The following GSR variants were observed in gnomAD, a reference collection of about 807,000 sequenced individuals.
The protein encoded by GSR is glutathione reductase, mitochondrial.
GSR carries 48 observed loss-of-function variants against 56.5 expected under a neutral mutation model. That is an observed-to-expected ratio of 0.85 (90% CI 0.67 to 1.08). GSR has a LOEUF of 1.08. Among genes scored for constraint, GSR ranks in the 50% least tolerant of loss-of-function variants. GSR has a pLI of 0.00. For missense variants in GSR, 694 were observed against 703.3 expected (o/e 0.99, Z 0.15); for synonymous variants, 264 against 270.8 (o/e 0.97, Z 0.25).
In GSR at chr8:30,684,117, T is replaced by C. The variant is rs1803072710; in HGVS notation, c.1124A>G (p.Asp375Gly). 1 of 1,597,700 alleles carries C rather than the reference T, an allele frequency of 6.3e-7. No homozygotes were observed. Among genetic ancestry groups the C allele is most frequent in the Non-Finnish European group, 8.6e-7 (1 of 1,165,044 alleles). Residue 375 changes from aspartate (D) to glycine (G), a missense_variant, in exon 10 of 13, where the codon GAT becomes GGT. Transcript: ENST00000221130. The part of the protein sequence containing the change: ...TNVKGIYAVG[D>G]VCGKALLTPV... ...AGTAAGAAGAGCTTTTCCACATACA[T>C]CCCCAACTGCATAGATGCCTTTGAC...
intron 8 of GSR, among the ~76,000 whole-genome samples, chr8:30,691,193 T>A (rs897000223): frequency 6.6e-6 from 1 of 151,524 alleles, no homozygotes; most frequent in Non-Finnish European, 1.5e-5. Context: ...GTGAAACCCA[T>A]CTGTACTAAA....
intron 7 of GSR, among the ~76,000 whole-genome samples, chr8:30,694,802 G>A (rs1803492120): frequency 6.6e-6 from 1 of 151,420 alleles, no homozygotes; most frequent in South Asian, 2.1e-4. Context: ...GGGAGGCTGG[G>A]GTGGGAAGAT....
intron 7 of GSR, among the ~76,000 whole-genome samples, chr8:30,693,884 G>T (rs1323505679): frequency 1.3e-5 from 2 of 152,172 alleles, no homozygotes; most frequent in African/African-American, 4.8e-5. Flanking sequence ...AATGAACTTG[G>T]TGCATTTGGG....
chr8:30,709,854 C>T lies in GSR; in HGVS notation c.382G>A (p.Asp128Asn), dbSNP rs1284022747. Residue 128 changes from aspartate (D) to asparagine (N), a missense_variant, in exon 3 of 13, where the codon GAT becomes AAT. Coordinates refer to ENST00000221130, the MANE Select transcript of GSR (RefSeq NM_000637.5). ...CCCTCACAACTTGGAAAGCCATAATCAGCATGATCATGCATGAATTCAGAG... is the reference window on the plus strand; with the variant it reads ...CCCTCACAACTTGGAAAGCCATAATTAGCATGATCATGCATGAATTCAGAG... ...VHSEFMHDHA[D>N]YGFPSCEGKF... The T allele has an allele frequency of 1.3e-6, 2 of 1,563,600 alleles. No individual in the cohort carries two copies. Among genetic ancestry groups the T allele is most frequent in the Non-Finnish European group, 1.7e-6 (2 of 1,143,744 alleles).
At chr8:30,686,287 G>GT (rs1214525621) in intron 9 of GSR, among the ~76,000 whole-genome samples, 2 of 151,730 alleles carry the variant, frequency 1.3e-5, no homozygotes, top group Non-Finnish European at 1.5e-5. Context: ...TTAGTAACAT[G>GT]TTGACAAGAC....
intron 10 of GSR, among the ~76,000 whole-genome samples, chr8:30,683,711 G>A (rs1304580227): frequency 2.7e-5 from 4 of 150,118 alleles, no homozygotes; most frequent in African/African-American, 9.8e-5. Context: ...CAGTGAGCCC[G>A]TGATCATGCC....
chr8:30,709,764 A>G (rs767170348), intron 3 of GSR, 50 bp downstream of exon 3: 1 of 1,050,410 alleles, frequency 9.5e-7, no homozygotes, highest in Non-Finnish European at 1.5e-6. Flanking sequence ...CAGTTATAAA[A>G]GAAAAATATC....
chr8:30,685,937 A>G (rs1002580650), intron 9 of GSR, among the ~76,000 whole-genome samples: 1 of 134,532 alleles, frequency 7.4e-6, no homozygotes, highest in South Asian at 2.6e-4. Context: ...CAGTAAGCTG[A>G]GATGGCACCA....
In GSR at chr8:30,727,758, G is replaced by A. The variant is rs1804795589; in HGVS notation, c.78C>T (p.Phe26=). The A allele has an allele frequency of 1.4e-6, 2 of 1,380,474 alleles. No individual in the cohort carries two copies. The highest frequency in any genetic ancestry group is 1.9e-6 in the Non-Finnish European group (2 of 1,067,306). 85.5% of individuals were successfully genotyped at this position (1,380,474 alleles called of 1,614,324 possible). Residue 26 remains phenylalanine, a synonymous_variant, in exon 1 of 13, where the codon TTC becomes TTT. Coordinates refer to ENST00000221130, the MANE Select transcript of GSR (RefSeq NM_000637.5). The part of the protein sequence containing the change: ...WRRAARAFRG[F]LLLLPEPAAL... ...CCGCGGGCTCGGGCAGAAGCAGCAG[G>A]AAGCCTCGGAAGGCGCGCGCCGCCC...
chr8:30,718,195 C>T (rs958420276), intron 1 of GSR, among the ~76,000 whole-genome samples: 24 of 152,216 alleles, frequency 1.6e-4, no homozygotes, highest in Admixed American at 4.6e-4. Flanking sequence ...ACTGCTGGTC[C>T]GTGGAAAAAT....
At position 30,715,604 on chromosome 8, in the gene GSR, A is replaced by G. The variant is rs1044669131; in HGVS notation, c.307-3516T>C. Among the ~76,000 whole-genome samples, 3 of 152,296 alleles carry G rather than the reference A, an allele frequency of 2.0e-5. No homozygotes were observed. The East Asian group carries it at 5.8e-4, about 29-fold the overall frequency. ...CCCCGTGCCTTCCACCCACACCTTTATACCCTGCAGTTCACCATTTAAGTT... is the reference window on the plus strand; with the variant it reads ...CCCCGTGCCTTCCACCCACACCTTTGTACCCTGCAGTTCACCATTTAAGTT... On this transcript the variant is annotated intron_variant, in intron 1 of 12. Coordinates refer to ENST00000221130, the MANE Select transcript of GSR (RefSeq NM_000637.5).
intron 8 of GSR, among the ~76,000 whole-genome samples, chr8:30,692,509 T>TC (rs1306934069): frequency 7.2e-6 from 1 of 138,604 alleles, no homozygotes; most frequent in Non-Finnish European, 1.6e-5. Context: ...TTTTTTTTTT[T>TC]TTTTTTTTTG....
chr8:30,689,311 C>T lies in GSR; in HGVS notation c.891G>A (p.Glu297=). 2 of 1,613,850 alleles carry T rather than the reference C, an allele frequency of 1.2e-6. No homozygotes were observed. Among genetic ancestry groups the T allele is most frequent in the Non-Finnish European group, 1.7e-6 (2 of 1,179,716 alleles). Reference sequence around the variant, plus strand: ...CCAAGCCCGACAAAGTCTTTTTAACCTCCTTGACCTATTGGCAAATAAAAT... The same window carrying T: ...CCAAGCCCGACAAAGTCTTTTTAACTTCCTTGACCTATTGGCAAATAAAAT... ...VEVLKFSQVK[E]VKKTLSGLEV... The change falls in exon 9 of 13, where the codon GAG becomes GAA. Residue 297 remains glutamate (E), a synonymous_variant. Transcript: ENST00000221130.
chr8:30,694,261 G>T (rs1024994536), intron 7 of GSR, among the ~76,000 whole-genome samples: 4 of 152,208 alleles, frequency 2.6e-5, no homozygotes, highest in Non-Finnish European at 5.9e-5. Flanking sequence ...GGTAGTCAGG[G>T]ATCTGATAAA....
At chr8:30,727,009 T>C (rs1485831855) in intron 1 of GSR, 1 of 152,510 alleles carries the variant, frequency 6.6e-6, no homozygotes, top group East Asian at 1.9e-4. Context: ...CTCAGACCAA[T>C]TAAGTCGGGA....
intron 1 of GSR, among the ~76,000 whole-genome samples, chr8:30,717,109 T>A (rs1186174345): frequency 6.7e-6 from 1 of 150,204 alleles, no homozygotes; most frequent in Non-Finnish European, 1.5e-5. Flanking sequence ...TGGTAGCACA[T>A]GCCTGTAATC....
At chr8:30,721,947 C>CAGAGG (rs771015086) in intron 1 of GSR, among the ~76,000 whole-genome samples, 6 of 150,032 alleles carry the variant, frequency 4.0e-5, no homozygotes, top group Non-Finnish European at 5.9e-5. Context: ...ACCCGGGAGG[C>CAGAGG]AGAGGTTACA....
At chr8:30,683,229 T>C (rs1195204783) in intron 10 of GSR, among the ~76,000 whole-genome samples, 1 of 152,150 alleles carries the variant, frequency 6.6e-6, no homozygotes, top group African/African-American at 2.4e-5. Flanking sequence ...CTGAAAGTGA[T>C]GGGAGCCACC....
chr8:30,701,024 G>A (rs891336814), intron 5 of GSR, among the ~76,000 whole-genome samples: 3 of 152,082 alleles, frequency 2.0e-5, no homozygotes, highest in Non-Finnish European at 4.4e-5. Flanking sequence ...ATTTAGAACT[G>A]AACCTTAATT....
Sources: gnomAD v4.1 joint callset for allele counts (sites outside exome capture counted in the v4.1 genomes callset) on GRCh38, gnomAD v4.1.1 for gene constraint, MANE v1.5 for transcripts, NCBI Gene and HGNC (gene_info 2026-07-23, HGNC 2026-07-21) for gene names.